RAD51B: variants seen among roughly 807,000 people sequenced by gnomAD.
RAD51B encodes RAD51 paralog B, also known as DNA repair protein RAD51 homolog 2.
RAD51B carries 38 observed loss-of-function variants against 42.2 expected under a neutral mutation model. That is an observed-to-expected ratio of 0.90 (90% confidence interval 0.70 to 1.18). RAD51B has a LOEUF of 1.18. Ranked by LOEUF, RAD51B falls within the 50% of genes most tolerant of loss-of-function variation. RAD51B has a pLI of 0.00. For missense variants in RAD51B, 373 were observed against 400.7 expected (o/e 0.93, Z 0.59); for synonymous variants, 154 against 145.2 (o/e 1.06, Z -0.43).
At chr14:68,247,811 C>T (rs997458824) in intron 7 of RAD51B, among the ~76,000 whole-genome samples, 4 of 152,092 alleles carry the variant, frequency 2.6e-5, no homozygotes, top group African/African-American at 7.2e-5. Flanking sequence ...ACTAGCACTC[C>T]AGGACAAGTT....
At position 68,075,164 on chromosome 14, in the gene RAD51B, G is replaced by T. The variant is rs576875583; in HGVS notation, c.756+187960G>T. 2.0e-5 allele frequency among the ~76,000 whole-genome samples: 3 copies of T among 152,134 alleles called. No individual in the cohort carries two copies. The South Asian group carries it at 6.2e-4, about 32-fold the overall frequency. On this transcript the variant is annotated intron_variant, in intron 7 of 10. Transcript: ENST00000471583. Reference sequence around the variant, plus strand: ...GAACAATCAACCTGGGGTGGGGTGGGTGCCTTGTAGGCCCAAGCCAGGAAG... The same window carrying T: ...GAACAATCAACCTGGGGTGGGGTGGTTGCCTTGTAGGCCCAAGCCAGGAAG...
At chr14:67,897,109 G>A (rs1487039997) in intron 7 of RAD51B, among the ~76,000 whole-genome samples, 1 of 152,062 alleles carries the variant, frequency 6.6e-6, no homozygotes, top group Non-Finnish European at 1.5e-5. Context: ...ATGGACTAAA[G>A]ACTTAAACAT....
intron 10 of RAD51B, among the ~76,000 whole-genome samples, chr14:68,640,647 G>A (rs1167705920): frequency 6.6e-6 from 1 of 152,180 alleles, no homozygotes; most frequent in Non-Finnish European, 1.5e-5. Flanking sequence ...TTTAGAAGAG[G>A]GAGACTCAGC....
intron 7 of RAD51B, among the ~76,000 whole-genome samples, chr14:68,268,106 A>G (rs2081029072): frequency 6.6e-6 from 1 of 152,222 alleles, no homozygotes; most frequent in Non-Finnish European, 1.5e-5. Context: ...CTTGAGCAGC[A>G]GGAAGAGAAT....
At chr14:68,511,004 A>C (rs1265059477) in intron 10 of RAD51B, among the ~76,000 whole-genome samples, 14 of 152,144 alleles carry the variant, frequency 9.2e-5, no homozygotes, top group Admixed American at 9.2e-4. Flanking sequence ...ATCCAAGGAC[A>C]CTGAGGCCCA....
At chr14:68,283,780 G>A (rs1374041930) in intron 7 of RAD51B, among the ~76,000 whole-genome samples, 2 of 152,202 alleles carry the variant, frequency 1.3e-5, no homozygotes, top group Admixed American at 6.5e-5. Context: ...TCTATGGCAC[G>A]GTAGCTGCCG....
At position 68,419,429 on chromosome 14, in the gene RAD51B, G is replaced by GAA. The variant is rs34027518; in HGVS notation, c.957+7913_957+7914dup. Among the ~76,000 whole-genome samples, 411 of 148,198 alleles carry GAA rather than the reference G, an allele frequency of 2.8e-3. 3 individuals are homozygous for GAA. Among genetic ancestry groups the GAA allele is most frequent in the African/African-American group, 8.4e-3 (341 of 40,534 alleles). ...AAAGAGCTCCTAAAGAACTGTGCAGGAAAAAAAAAAAATTTAAGCACCATC... is the reference window on the plus strand; with the variant it reads ...AAAGAGCTCCTAAAGAACTGTGCAGGAAAAAAAAAAAAAATTTAAGCACCATC... On this transcript the variant is annotated intron_variant, in intron 9 of 10. Transcript: ENST00000471583.
intron 7 of RAD51B, among the ~76,000 whole-genome samples, chr14:68,123,191 C>CTTTTTT (rs541886088): frequency 2.2e-4 from 27 of 125,486 alleles, no homozygotes; most frequent in Non-Finnish European, 3.0e-4. Flanking sequence ...TTCTTTCTTT[C>CTTTTTT]TTTTTTTTTT....
intron 7 of RAD51B, among the ~76,000 whole-genome samples, chr14:68,270,821 TA>T (rs2081090898): frequency 6.6e-6 from 1 of 152,254 alleles, no homozygotes; most frequent in Non-Finnish European, 1.5e-5. Flanking sequence ...TATTTTTTTT[TA>T]TCTCCTTGCA....
intron 7 of RAD51B, among the ~76,000 whole-genome samples, chr14:67,984,458 T>C (rs1216669221): frequency 1.3e-5 from 2 of 152,236 alleles, no homozygotes; most frequent in Non-Finnish European, 2.9e-5. Context: ...TCATTCCTTC[T>C]TGTTTTTTAT....
intron 7 of RAD51B, among the ~76,000 whole-genome samples, chr14:67,962,272 A>G (rs767289229): frequency 1.3e-5 from 2 of 152,224 alleles, no homozygotes; most frequent in Admixed American, 1.3e-4. Flanking sequence ...CCAACAAATC[A>G]AACTAAAAAA....
At chr14:67,825,245 A>T (rs184563198) in intron 2 of RAD51B, among the ~76,000 whole-genome samples, 2 of 152,322 alleles carry the variant, frequency 1.3e-5, no homozygotes, top group Admixed American at 1.3e-4. Flanking sequence ...CCTCTGGTAT[A>T]TGCCAACTAA....
chr14:68,505,075 C>T (rs1013199591), intron 10 of RAD51B, among the ~76,000 whole-genome samples: 3 of 152,112 alleles, frequency 2.0e-5, no homozygotes, highest in Admixed American at 6.5e-5. Flanking sequence ...TTCTTGGGTA[C>T]GAAGTTTGAC....
At position 67,887,205 on chromosome 14, in the gene RAD51B, G is replaced by A; in HGVS notation, c.756+1G>A. 6.2e-7 allele frequency: 1 copy of A among 1,601,972 alleles called. No individual in the cohort carries two copies. Among genetic ancestry groups the A allele is most frequent in the Non-Finnish European group, 8.5e-7 (1 of 1,174,142 alleles). On this transcript the variant is annotated splice_donor_variant, in intron 7 of 10. Coordinates refer to ENST00000471583, the MANE Select transcript of RAD51B (RefSeq NM_133510.4). LOFTEE classifies it high-confidence loss of function. ...TTTGGCTGAGGAGTTTTCAATCCCA[G>A]TAAGTTTTTCTTTTTTTCTCTTTTT...
At chr14:68,032,205 G>T (rs1392408215) in intron 7 of RAD51B, among the ~76,000 whole-genome samples, 2 of 152,186 alleles carry the variant, frequency 1.3e-5, no homozygotes, top group African/African-American at 2.4e-5. Flanking sequence ...CAGGTACACA[G>T]TAAGCATGCA....
At chr14:68,050,494 T>C (rs575452908) in intron 7 of RAD51B, among the ~76,000 whole-genome samples, 2 of 152,304 alleles carry the variant, frequency 1.3e-5, no homozygotes, top group East Asian at 3.9e-4. Flanking sequence ...CAGTTTTGAA[T>C]CCTACAGAAA....
chr14:68,269,188 A>G (rs1389291836), intron 7 of RAD51B, among the ~76,000 whole-genome samples: 1 of 152,234 alleles, frequency 6.6e-6, no homozygotes, highest in Non-Finnish European at 1.5e-5. Flanking sequence ...CTGTGCCTTC[A>G]TGGGAGGATT....
In RAD51B at chr14:68,298,702, G is replaced by C. The variant is rs534123346; in HGVS notation, c.853+6722G>C. On this transcript the variant is annotated intron_variant, in intron 8 of 10. Coordinates refer to ENST00000471583, the MANE Select transcript of RAD51B (RefSeq NM_133510.4). ...AGAGGTGACGACAGGGCCAAAAGCC[G>C]AGAGAATGGGATGCCAAGAGGTGGT... Among the ~76,000 whole-genome samples the C allele has an allele frequency of 5.9e-5, 9 of 152,318 alleles. No homozygotes were observed. In the South Asian group the frequency reaches 1.9e-3, roughly 32 times the overall value.
chr14:68,568,791 CCTTTCTTCTTCCTCTGCCCTCT>C (rs369167748), intron 10 of RAD51B, among the ~76,000 whole-genome samples: 2,172 of 152,262 alleles, frequency 0.014, 54 homozygotes, highest in African/African-American at 0.049. Flanking sequence ...CCTCGTCCTC[CCTTTCTTCTTCCTCTGCCCTCT>C]CTTTGCCTTC....
Sources: allele counts gnomAD v4.1 joint callset (sites outside exome capture counted in the v4.1 genomes callset), GRCh38; gene constraint gnomAD v4.1.1; transcripts MANE v1.5; gene names NCBI Gene and HGNC (gene_info 2026-07-23, HGNC 2026-07-21).